Variants in DCC observed in about 807,000 individuals in gnomAD.
DCC encodes DCC netrin 1 receptor.
Under a neutral mutation model 172.5 loss-of-function variants are expected in DCC, and 58 were observed. The observed-to-expected ratio is 0.34, with a 90% CI of 0.27 to 0.42. The LOEUF (loss-of-function observed/expected upper bound fraction) is 0.42, where lower values mean the gene tolerates loss of function less well. Ranked by LOEUF, DCC falls within the 10% of genes least tolerant of loss-of-function variation. The probability of loss-of-function intolerance (pLI) is 1.00; values close to 1 mark genes in which losing one functional copy is unlikely to be tolerated. For missense variants in DCC, 1,740 were observed against 1,791.0 expected (o/e 0.97, Z 0.51); for synonymous variants, 709 against 644.5 (o/e 1.10, Z -1.52).
chr18:53,262,196 C>G (rs184446979), intron 12 of DCC, among the ~76,000 whole-genome samples: 197 of 152,286 alleles, frequency 1.3e-3, no homozygotes, highest in Non-Finnish European at 2.3e-3. Context: ...TTGCTTTAGC[C>G]TACACACTAC....
intron 7 of DCC, among the ~76,000 whole-genome samples, chr18:53,130,294 TTACTC>T (rs2043631571): frequency 6.6e-6 from 1 of 152,130 alleles, no homozygotes; most frequent in South Asian, 2.1e-4. Flanking sequence ...TTTAAAGTCT[TTACTC>T]TGGGGTGGCT....
intron 12 of DCC, among the ~76,000 whole-genome samples, chr18:53,247,873 C>T (rs2056383627): frequency 6.6e-6 from 1 of 151,926 alleles, no homozygotes; most frequent in Non-Finnish European, 1.5e-5. Context: ...CTTTTCCTGT[C>T]TTTAGCCCTA....
intron 1 of DCC, among the ~76,000 whole-genome samples, chr18:52,616,514 A>T (rs2144851103): frequency 6.6e-6 from 1 of 152,166 alleles, no homozygotes; most frequent in South Asian, 2.1e-4. Context: ...TCTTTCTGTA[A>T]CCTCACTGCG....
At chr18:52,807,489 T>C (rs914591622) in intron 2 of DCC, among the ~76,000 whole-genome samples, 3 of 151,750 alleles carry the variant, frequency 2.0e-5, no homozygotes, top group Admixed American at 6.6e-5. Context: ...ACATACATAC[T>C]TGATTGTTTT....
intron 1 of DCC, among the ~76,000 whole-genome samples, chr18:52,674,092 G>T (rs1336256701): frequency 5.3e-5 from 8 of 152,162 alleles, no homozygotes; most frequent in African/African-American, 1.4e-4. Context: ...ACCAAAGGAA[G>T]TCATGAATAA....
intron 27 of DCC, 42 bp from the exon 28 acceptor site, chr18:53,526,575 A>G: frequency 6.2e-7 from 1 of 1,606,062 alleles, no homozygotes; most frequent in Non-Finnish European, 8.5e-7. Flanking sequence ...GTTCTGCAGA[A>G]TGTTTTCTAC....
At chr18:52,476,408 A>G (rs757716991) in intron 1 of DCC, among the ~76,000 whole-genome samples, 28 of 152,254 alleles carry the variant, frequency 1.8e-4, no homozygotes, top group Non-Finnish European at 3.7e-4. Context: ...CGGATGTGAA[A>G]TGCTGTCTGA....
chr18:52,838,333 T>A (rs1258351754), intron 2 of DCC, among the ~76,000 whole-genome samples: 1 of 152,174 alleles, frequency 6.6e-6, no homozygotes, highest in African/African-American at 2.4e-5. Flanking sequence ...TTTCTTGTCT[T>A]AGAAAGTAAG....
chr18:52,541,069 G>A (rs918641802), intron 1 of DCC, among the ~76,000 whole-genome samples: 7 of 152,140 alleles, frequency 4.6e-5, no homozygotes, highest in East Asian at 1.9e-4. Context: ...ATAGCTATCC[G>A]GTAAGCTAAG....
intron 1 of DCC, among the ~76,000 whole-genome samples, chr18:52,451,249 C>G (rs1988294999): frequency 1.3e-5 from 2 of 152,228 alleles, no homozygotes; most frequent in South Asian, 2.1e-4. Context: ...GAGCCGTATT[C>G]TTATTTTACA....
intron 23 of DCC, among the ~76,000 whole-genome samples, chr18:53,457,076 G>C (rs2045492173): frequency 6.6e-6 from 1 of 152,196 alleles, no homozygotes; most frequent in Non-Finnish European, 1.5e-5. Flanking sequence ...AGTCTATTTA[G>C]AGATCTTTAG....
intron 5 of DCC, among the ~76,000 whole-genome samples, chr18:52,965,363 A>C (rs968318752): frequency 1.3e-5 from 2 of 152,114 alleles, no homozygotes; most frequent in Non-Finnish European, 2.9e-5. Context: ...TAAAAGGAAA[A>C]CTACCACAAA....
intron 2 of DCC, among the ~76,000 whole-genome samples, chr18:52,886,907 C>T (rs2039578881): frequency 6.6e-6 from 1 of 151,996 alleles, no homozygotes; most frequent in Non-Finnish European, 1.5e-5. Context: ...TTTTGCTTAG[C>T]TGTTTTTGCT....
At chr18:53,236,014 C>T (rs1249403300) in intron 12 of DCC, among the ~76,000 whole-genome samples, 1 of 152,044 alleles carries the variant, frequency 6.6e-6, no homozygotes, top group Non-Finnish European at 1.5e-5. Flanking sequence ...TGGATTGTTT[C>T]CATTTCAAGG....
chr18:52,341,546 A>G (rs549348045), intron 1 of DCC, among the ~76,000 whole-genome samples: 1 of 152,130 alleles, frequency 6.6e-6, no homozygotes, highest in Non-Finnish European at 1.5e-5. Flanking sequence ...TAGCTCCAGG[A>G]CACCTCCAAA....
chr18:53,404,511 T>A (rs1972047), intron 19 of DCC, among the ~76,000 whole-genome samples: 1 of 151,582 alleles, frequency 6.6e-6, no homozygotes, highest in Non-Finnish European at 1.5e-5. Context: ...GCAGGCAGAT[T>A]ACGAGGTCAG....
intron 1 of DCC, among the ~76,000 whole-genome samples, chr18:52,700,565 T>C (rs1470930576): frequency 6.6e-6 from 1 of 152,236 alleles, no homozygotes; most frequent in Non-Finnish European, 1.5e-5. Flanking sequence ...CTTTCTATCA[T>C]GAACAAAGAT....
chr18:53,265,804 T>C (rs2056666951), intron 12 of DCC, among the ~76,000 whole-genome samples: 1 of 152,180 alleles, frequency 6.6e-6, no homozygotes, highest in Admixed American at 6.5e-5. Context: ...AATTTCAAAC[T>C]TGGAACTCAT....
At chr18:52,488,808 A>T (rs1355715738) in intron 1 of DCC, among the ~76,000 whole-genome samples, 2 of 152,120 alleles carry the variant, frequency 1.3e-5, no homozygotes, top group Non-Finnish European at 2.9e-5. Context: ...GGATCAAATA[A>T]GTTCATTGTG....
Sources: gnomAD v4.1 joint callset for allele counts (sites outside exome capture counted in the v4.1 genomes callset) on GRCh38, gnomAD v4.1.1 for gene constraint, MANE v1.5 for transcripts, NCBI Gene and HGNC (gene_info 2026-07-23, HGNC 2026-07-21) for gene names.